Variants in RAD51B observed in about 807,000 individuals in gnomAD.
RAD51B encodes DNA repair protein RAD51 homolog 2.
In RAD51B, 38 loss-of-function variants were observed where a neutral mutation model predicts 42.2. That is an observed-to-expected ratio of 0.90 (90% CI 0.70 to 1.18). RAD51B has a LOEUF of 1.18. Ranked by LOEUF, RAD51B falls within the 50% of genes most tolerant of loss-of-function variation. RAD51B has a pLI of 0.00. For missense variants in RAD51B, 373 were observed against 400.7 expected, an observed-to-expected ratio of 0.93 and a Z score of 0.59; for synonymous variants, 154 against 145.2, an observed-to-expected ratio of 1.06 and a Z score of -0.43.
At chr14:67,911,400 T>C in intron 7 of RAD51B, among the ~76,000 whole-genome samples, 1 of 152,152 alleles carries the variant, frequency 6.6e-6, no homozygotes, top group East Asian at 1.9e-4. Context: ...TGGAGAAGTA[T>C]TATTTTACAC....
rs139716427 is a variant in RAD51B at position 68,127,055 on chromosome 14, A to G, written c.757-164829A>G. 1.2e-4 allele frequency among the ~76,000 whole-genome samples: 19 copies of G among 152,346 alleles called. No homozygotes were observed. In the East Asian group the frequency reaches 3.3e-3, roughly 26 times the overall value. On this transcript the variant is annotated intron_variant, in intron 7 of 10. Coordinates refer to ENST00000471583, the MANE Select transcript of RAD51B (RefSeq NM_133510.4). ...TTCTCCAGCACCCTTAAAAGAAAGTAGTTATCCTCTGCTCTGCTTTTCCAA... is the reference window on the plus strand; with the variant it reads ...TTCTCCAGCACCCTTAAAAGAAAGTGGTTATCCTCTGCTCTGCTTTTCCAA...
At chr14:68,193,414 G>A (rs531970158) in intron 7 of RAD51B, among the ~76,000 whole-genome samples, 1 of 152,184 alleles carries the variant, frequency 6.6e-6, no homozygotes, top group African/African-American at 2.4e-5. Context: ...ACTTATTGAG[G>A]TCTGGGACCA....
intron 7 of RAD51B, among the ~76,000 whole-genome samples, chr14:68,241,856 G>A (rs185655803): frequency 1.6e-3 from 243 of 152,128 alleles, no homozygotes; most frequent in African/African-American, 5.6e-3. Context: ...TATCTCTTTT[G>A]AGCTGTGCAA....
Position 68,123,915 on chromosome 14 carries a change from C to G in RAD51B, c.757-167969C>G, listed in dbSNP as rs548743021. The stretch of plus-strand genomic sequence containing the variant: ...AGCAACTGCATGGAATTTCATTTAT[C>G]CATCTTGGATAAAAAGCCTAGTTGG... On this transcript the variant is annotated intron_variant, in intron 7 of 10. Coordinates refer to ENST00000471583, the MANE Select transcript of RAD51B (RefSeq NM_133510.4). 4.6e-5 allele frequency among the ~76,000 whole-genome samples: 7 copies of G among 152,264 alleles called. No homozygotes were observed. The South Asian group carries it at 1.0e-3, about 23-fold the overall frequency.
chr14:68,384,462 TTA>T (rs2083548678), intron 8 of RAD51B, among the ~76,000 whole-genome samples: 1 of 152,142 alleles, frequency 6.6e-6, no homozygotes, highest in African/African-American at 2.4e-5. Flanking sequence ...GGAAAAAACC[TTA>T]TGAGAGGCAC....
At chr14:68,371,241 G>A (rs373707115) in intron 8 of RAD51B, among the ~76,000 whole-genome samples, 14 of 152,100 alleles carry the variant, frequency 9.2e-5, no homozygotes, top group East Asian at 7.7e-4. Flanking sequence ...CTAGAGGGCC[G>A]GGTGTGGTGG....
intron 10 of RAD51B, among the ~76,000 whole-genome samples, chr14:68,528,853 T>C (rs1887098077): frequency 1.3e-5 from 2 of 152,380 alleles, no homozygotes; most frequent in South Asian, 4.1e-4. Context: ...GAGGTAGGTA[T>C]TATCATTTCT....
At chr14:68,148,298 C>G (rs1362139440) in intron 7 of RAD51B, among the ~76,000 whole-genome samples, 5 of 152,162 alleles carry the variant, frequency 3.3e-5, no homozygotes, top group African/African-American at 1.2e-4. Flanking sequence ...CATTTGACTA[C>G]AAATTTTTGA....
intron 7 of RAD51B, among the ~76,000 whole-genome samples, chr14:68,068,936 C>A (rs1595354419): frequency 6.6e-6 from 1 of 152,218 alleles, no homozygotes; most frequent in East Asian, 1.9e-4. Context: ...TCGATTATTG[C>A]AAGTCTTTGG....
chr14:68,237,695 C>T (rs961714057), intron 7 of RAD51B, among the ~76,000 whole-genome samples: 3 of 150,224 alleles, frequency 2.0e-5, no homozygotes, highest in African/African-American at 7.3e-5. Context: ...TGAACATTTA[C>T]ATGCAGTGTT....
At chr14:68,246,214 C>G (rs181128073) in intron 7 of RAD51B, among the ~76,000 whole-genome samples, 1 of 151,476 alleles carries the variant, frequency 6.6e-6, no homozygotes, top group Non-Finnish European at 1.5e-5. Flanking sequence ...CATGAAGCCT[C>G]CTGGCTCTGT....
chr14:68,047,686 A>G (rs1040208823), intron 7 of RAD51B, among the ~76,000 whole-genome samples: 6 of 152,226 alleles, frequency 3.9e-5, no homozygotes, highest in Admixed American at 3.9e-4. Context: ...ACAAATATTA[A>G]TATTATCTCT....
chr14:68,478,719 A>T (rs2140257687), downstream of RAD51B, among the ~76,000 whole-genome samples: 1 of 152,368 alleles, frequency 6.6e-6, no homozygotes, highest in Non-Finnish European at 1.5e-5. Context: ...TTTTTAGTGC[A>T]TTGAGGGCTA....
chr14:67,923,601 A>G (rs1049141804), intron 7 of RAD51B, among the ~76,000 whole-genome samples: 1 of 152,162 alleles, frequency 6.6e-6, no homozygotes, highest in Non-Finnish European at 1.5e-5. Flanking sequence ...GACCAGCAGT[A>G]TATCACATTT....
At chr14:68,580,247 G>C (rs1464105262) in intron 10 of RAD51B, among the ~76,000 whole-genome samples, 2 of 152,162 alleles carry the variant, frequency 1.3e-5, no homozygotes, top group Non-Finnish European at 2.9e-5. Flanking sequence ...TGTCAGGGAG[G>C]CCTGCCACTC....
At chr14:68,295,963 CAGAG>C (rs1053361617) in intron 8 of RAD51B, among the ~76,000 whole-genome samples, 2 of 151,986 alleles carry the variant, frequency 1.3e-5, no homozygotes, top group African/African-American at 4.8e-5. Context: ...TGGAGACAGG[CAGAG>C]AGAGCAAGAG....
chr14:67,922,879 A>T (rs2044372514), intron 7 of RAD51B, among the ~76,000 whole-genome samples: 1 of 151,908 alleles, frequency 6.6e-6, no homozygotes, highest in South Asian at 2.1e-4. Flanking sequence ...TTTAGTAGAG[A>T]CGAGGTTTCG....
At chr14:68,398,891 C>T (rs1049553265) in intron 8 of RAD51B, among the ~76,000 whole-genome samples, 22 of 152,126 alleles carry the variant, frequency 1.4e-4, no homozygotes, top group African/African-American at 5.3e-4. Context: ...ATGCCTAATA[C>T]ATGATTTTTT....
intron 7 of RAD51B, among the ~76,000 whole-genome samples, chr14:68,155,414 G>A (rs188607681): frequency 1.3e-5 from 2 of 152,082 alleles, no homozygotes; most frequent in Non-Finnish European, 2.9e-5. Flanking sequence ...GGATGGTCTC[G>A]ATCTCTTGAT....
Sources: allele counts gnomAD v4.1 joint callset (sites outside exome capture counted in the v4.1 genomes callset), GRCh38; gene constraint gnomAD v4.1.1; transcripts MANE v1.5; gene names NCBI Gene and HGNC (gene_info 2026-07-23, HGNC 2026-07-21).